The following PRSS23 variants were observed in gnomAD, a reference collection of about 807,000 sequenced individuals.
PRSS23 encodes protease, serine 23.
Under a neutral mutation model 34.7 loss-of-function variants are expected in PRSS23, and 25 were observed. The ratio of observed to expected loss-of-function variants is 0.72; its 90% CI spans 0.53 to 1.01. The LOEUF (loss-of-function observed/expected upper bound fraction) is 1.01, where lower values mean the gene tolerates loss of function less well. Among genes scored for constraint, PRSS23 ranks in the 50% least tolerant of loss-of-function variants. PRSS23 has a pLI of 0.00. For missense variants in PRSS23, 445 were observed against 475.6 expected (o/e 0.94, Z 0.60); for synonymous variants, 176 against 186.6 (o/e 0.94, Z 0.46).
intron 2 of PRSS23, among the ~76,000 whole-genome samples, chr11:86,827,189 C>A (rs1948309146): frequency 6.6e-6 from 1 of 152,210 alleles, no homozygotes; most frequent in South Asian, 2.1e-4. Context: ...TTGGTCTATA[C>A]AGAGATTCAA....
chr11:86,832,458 A>G (rs1590884666), intron 2 of PRSS23: 1 of 199,562 alleles, frequency 5.0e-6, no homozygotes, highest in Non-Finnish European at 1.0e-5. Flanking sequence ...TATTATTCGT[A>G]TTTGACCTTG....
chr11:86,841,288 A>T (rs143411589), intron 2 of PRSS23, among the ~76,000 whole-genome samples: 76 of 150,466 alleles, frequency 5.1e-4, no homozygotes, highest in African/African-American at 1.8e-3. Flanking sequence ...GCAATGAGCC[A>T]AGATTGAGCC....
At chr11:86,865,074 T>A (rs1948641044) in intron 2 of PRSS23, among the ~76,000 whole-genome samples, 1 of 152,206 alleles carries the variant, frequency 6.6e-6, no homozygotes, top group Non-Finnish European at 1.5e-5. Flanking sequence ...GATGTGACCA[T>A]CTTTGGTGGT....
chr11:86,843,710 A>G (rs1948465458), intron 2 of PRSS23, among the ~76,000 whole-genome samples: 1 of 152,214 alleles, frequency 6.6e-6, no homozygotes, highest in African/African-American at 2.4e-5. Context: ...TCAAAACTAC[A>G]ATGAGATCTC....
At chr11:86,861,479 A>G (rs924932477) in intron 2 of PRSS23, among the ~76,000 whole-genome samples, 2 of 151,778 alleles carry the variant, frequency 1.3e-5, no homozygotes, top group Non-Finnish European at 2.9e-5. Context: ...AGTGTATGAT[A>G]TAATTCCCTA....
chr11:86,867,984 C>G lies in PRSS23; in HGVS notation c.206+44391C>G, dbSNP rs375079129. On this transcript the variant is annotated intron_variant, in intron 2 of 2. Transcript: ENST00000533902. ...TGAAAGAATATGCTAGGAGGCTACT[C>G]GCCTCGGCCCCTCTTCACCTCAGGG... 2.0e-5 allele frequency among the ~76,000 whole-genome samples: 3 copies of G among 152,002 alleles called. 1 individual carries two copies. The South Asian group carries it at 6.2e-4, about 32-fold the overall frequency.
At chr11:86,855,515 T>TGA (rs1948563650) in intron 2 of PRSS23, among the ~76,000 whole-genome samples, 1 of 152,124 alleles carries the variant, frequency 6.6e-6, no homozygotes, top group Non-Finnish European at 1.5e-5. Context: ...TGTGTGTGTG[T>TGA]GATGGAGTCT....
At chr11:86,925,759 T>C (rs1003388189) in intron 2 of PRSS23, among the ~76,000 whole-genome samples, 4 of 152,204 alleles carry the variant, frequency 2.6e-5, no homozygotes, top group Admixed American at 2.0e-4. Flanking sequence ...TTAGTAGCAG[T>C]TGAAACCTGA....
At chr11:86,821,456 T>C (rs1948250975) in intron 1 of PRSS23, 27 of 1,595,756 alleles carry the variant, frequency 1.7e-5, no homozygotes, top group African/African-American at 2.7e-5. Context: ...GTGTCTGGTA[T>C]AGGCTATAGC....
At chr11:86,860,823 C>A (rs904135158) in intron 2 of PRSS23, among the ~76,000 whole-genome samples, 1 of 151,818 alleles carries the variant, frequency 6.6e-6, no homozygotes, top group African/African-American at 2.4e-5. Context: ...ATGTACGTCA[C>A]CCTGTGATAT....
intron 2 of PRSS23, among the ~76,000 whole-genome samples, chr11:86,852,481 CTTCT>C (rs1948537514): frequency 6.6e-6 from 1 of 152,166 alleles, no homozygotes; most frequent in African/African-American, 2.4e-5. Context: ...ATATTATTCG[CTTCT>C]TTCTTTTCTT....
At chr11:86,862,394 G>A (rs1428450815) in intron 2 of PRSS23, among the ~76,000 whole-genome samples, 1 of 151,866 alleles carries the variant, frequency 6.6e-6, no homozygotes, top group Non-Finnish European at 1.5e-5. Flanking sequence ...TAATATCCTA[G>A]AGATATGTTA....
At chr11:86,924,514 A>G (rs1590929921) in intron 2 of PRSS23, among the ~76,000 whole-genome samples, 1 of 152,350 alleles carries the variant, frequency 6.6e-6, no homozygotes, top group Non-Finnish European at 1.5e-5. Context: ...CTTGCATTGG[A>G]GCCAAACTGG....
intron 2 of PRSS23, chr11:86,946,805 C>G (rs1949246501): frequency 6.6e-6 from 1 of 152,204 alleles, no homozygotes; most frequent in Non-Finnish European, 1.5e-5. Context: ...ATAAAGGAAC[C>G]AATAGGATTT....
chr11:86,808,181 G>T lies in PRSS23; in HGVS notation c.538G>T (p.Gly180Ter). ...CACAGCTGCCCACTGCATACACGAT[G>T]GAAAAACCTATGTGAAAGGAACCCA... ...VLTAAHCIHD[G>*]KTYVKGTQKL... is the part of the protein sequence containing the mutation. Residue 180 changes from glycine to a stop codon, truncating the protein, a stop_gained, in exon 2 of 2, where the codon GGA becomes TGA. Coordinates refer to ENST00000280258, the MANE Select transcript of PRSS23 (RefSeq NM_007173.6). LOFTEE classifies it high-confidence loss of function. The T allele has an allele frequency of 6.2e-7, 1 of 1,614,172 alleles. No individual in the cohort carries two copies.
intron 2 of PRSS23, among the ~76,000 whole-genome samples, chr11:86,848,086 T>C (rs1461546283): frequency 1.3e-5 from 2 of 152,232 alleles, no homozygotes; most frequent in Non-Finnish European, 2.9e-5. Context: ...GAGGAGAATT[T>C]GGGCGCATTC....
intron 2 of PRSS23, among the ~76,000 whole-genome samples, chr11:86,939,426 A>ATATATATATATATATTT: frequency 6.4e-5 from 6 of 94,064 alleles, no homozygotes; most frequent in African/African-American, 2.0e-4. Context: ...ATATATATAT[A>ATATATATATATATATTT]TTTTTTAACA....
intron 2 of PRSS23, among the ~76,000 whole-genome samples, chr11:86,931,336 C>A (rs2135016046): frequency 6.6e-6 from 1 of 152,084 alleles, no homozygotes; most frequent in South Asian, 2.1e-4. Flanking sequence ...AAGAAAAAAG[C>A]CACTAAATTT....
chr11:86,805,653 TG>T (rs1259552845), intron 1 of PRSS23, among the ~76,000 whole-genome samples: 13 of 151,976 alleles, frequency 8.6e-5, no homozygotes, highest in African/African-American at 3.1e-4. Context: ...CTGACTGAAG[TG>T]GAAGCCAAGA....
Sources: allele counts gnomAD v4.1 joint callset (sites outside exome capture counted in the v4.1 genomes callset), GRCh38; gene constraint gnomAD v4.1.1; transcripts MANE v1.5; gene names NCBI Gene and HGNC (gene_info 2026-07-23, HGNC 2026-07-21).